The following TUSC3 variants were observed in gnomAD, a reference collection of about 807,000 sequenced individuals.
The protein encoded by TUSC3 is tumor suppressor candidate 3.
In TUSC3, 45 loss-of-function variants were observed where a neutral mutation model predicts 44.8. The observed-to-expected ratio is 1.00, with a 90% CI of 0.79 to 1.29. The LOEUF is 1.29. Ranked by LOEUF, TUSC3 falls within the 50% of genes most tolerant of loss-of-function variation. The probability of loss-of-function intolerance (pLI) is 0.00; values close to 1 mark genes in which losing one functional copy is unlikely to be tolerated. For synonymous variants in TUSC3, 212 were observed against 152.9 expected, an observed-to-expected ratio of 1.39 and a Z score of -2.85; for missense variants, 519 against 437.9, an observed-to-expected ratio of 1.19 and a Z score of -1.65.
intron 2 of TUSC3, among the ~76,000 whole-genome samples, chr8:15,498,299 GCT>G (rs1800911027): frequency 6.6e-6 from 1 of 152,196 alleles, no homozygotes; most frequent in Non-Finnish European, 1.5e-5. Context: ...GTTTCTGGAA[GCT>G]CTCATTTGAT....
intron 2 of TUSC3, among the ~76,000 whole-genome samples, chr8:15,529,399 T>G (rs1801422076): frequency 6.6e-6 from 1 of 152,192 alleles, no homozygotes; most frequent in Non-Finnish European, 1.5e-5. Context: ...GGCATTAAGT[T>G]GAGGTTTATC....
At position 15,571,195 on chromosome 8, in the gene TUSC3, C is replaced by T. The variant is rs942827673; in HGVS notation, c.138+30627C>T. On this transcript the variant is annotated intron_variant, in intron 1 of 10. Transcript: ENST00000503731. Reference sequence around the variant, plus strand: ...TCTCGAACTCCTGACTTCAGGGGATCCACCTGCCTCGGCCTCCCAAAGTGT... The same window carrying T: ...TCTCGAACTCCTGACTTCAGGGGATTCACCTGCCTCGGCCTCCCAAAGTGT... Among the ~76,000 whole-genome samples, 4 of 151,930 alleles carry T rather than the reference C, an allele frequency of 2.6e-5. 1 individual carries two copies.
intron 6 of TUSC3, among the ~76,000 whole-genome samples, chr8:15,724,174 C>G (rs1563191290): frequency 6.6e-6 from 1 of 152,126 alleles, no homozygotes; most frequent in Admixed American, 6.6e-5. Context: ...AGCTGGCTGT[C>G]TTCTGCCCAA....
chr8:15,513,445 T>C (rs1402162239), intron 2 of TUSC3, among the ~76,000 whole-genome samples: 3 of 152,194 alleles, frequency 2.0e-5, no homozygotes, highest in Admixed American at 2.0e-4. Context: ...TTTAAAAACA[T>C]GAAGGCAAAA....
At chr8:15,634,540 T>G (rs943581628) in intron 2 of TUSC3, among the ~76,000 whole-genome samples, 44 of 152,248 alleles carry the variant, frequency 2.9e-4, no homozygotes, top group African/African-American at 1.0e-3. Flanking sequence ...AATTCCGTCT[T>G]AAGATTAAGA....
chr8:15,642,001 T>C (rs947078062), intron 2 of TUSC3, among the ~76,000 whole-genome samples: 1 of 152,236 alleles, frequency 6.6e-6, no homozygotes, highest in African/African-American at 2.4e-5. Context: ...GTACCCATTA[T>C]ATACATTAAT....
intron 2 of TUSC3, among the ~76,000 whole-genome samples, chr8:15,516,218 C>G (rs908214222): frequency 3.9e-5 from 6 of 152,164 alleles, no homozygotes; most frequent in Non-Finnish European, 8.8e-5. Flanking sequence ...ATCTTATATT[C>G]TGTCCTTGAT....
chr8:15,674,239 G>A (rs1177730021), intron 6 of TUSC3, among the ~76,000 whole-genome samples: 2 of 151,944 alleles, frequency 1.3e-5, no homozygotes, highest in Admixed American at 1.3e-4. Context: ...AAGAACCCGG[G>A]TGGTCATTGT....
At chr8:15,746,245 C>T (rs1452629454) in intron 8 of TUSC3, among the ~76,000 whole-genome samples, 1 of 151,988 alleles carries the variant, frequency 6.6e-6, no homozygotes, top group Non-Finnish European at 1.5e-5. Context: ...TTTATTAAAT[C>T]ACCGTTTTCA....
intron 2 of TUSC3, among the ~76,000 whole-genome samples, chr8:15,511,607 C>T (rs1013648118): frequency 5.3e-5 from 8 of 152,202 alleles, no homozygotes; most frequent in Non-Finnish European, 8.8e-5. Context: ...CAGTAGCTCA[C>T]GCCTGTAATT....
chr8:15,655,524 G>C (rs1807119155), intron 3 of TUSC3, among the ~76,000 whole-genome samples: 1 of 152,224 alleles, frequency 6.6e-6, no homozygotes, highest in Non-Finnish European at 1.5e-5. Flanking sequence ...CCAAGTCAAA[G>C]TCCGAACAGT....
At position 15,648,157 on chromosome 8, in the gene TUSC3, C is replaced by T. The variant is rs146268818; in HGVS notation, c.309-2540C>T. Among the ~76,000 whole-genome samples the T allele has an allele frequency of 4.9e-3, 744 of 152,312 alleles. 6 individuals are homozygous for T. The highest frequency in any genetic ancestry group is 0.017 in the African/African-American group (707 of 41,578). On this transcript the variant is annotated intron_variant, in intron 2 of 10. Transcript: ENST00000503731. ...TCTAGGTCCTTCTCATTCTGTCATACATTCCACCTATGTTGTTTTTGTTCT... is the reference window on the plus strand; with the variant it reads ...TCTAGGTCCTTCTCATTCTGTCATATATTCCACCTATGTTGTTTTTGTTCT...
chr8:15,800,951 A>G, the TUSC3 span, among the ~76,000 whole-genome samples: 1 of 152,182 alleles, frequency 6.6e-6, no homozygotes, highest in Admixed American at 6.5e-5. Context: ...ACAAATATTT[A>G]TTGAGCTCTT....
At chr8:15,794,380 T>C in the TUSC3 span, among the ~76,000 whole-genome samples, 1 of 152,270 alleles carries the variant, frequency 6.6e-6, no homozygotes, top group East Asian at 1.9e-4. Context: ...TCAGAGTGCA[T>C]TTTTACATAC....
intron 10 of TUSC3, among the ~76,000 whole-genome samples, chr8:15,759,297 A>C (rs352801): frequency 6.6e-6 from 1 of 151,818 alleles, no homozygotes; most frequent in South Asian, 2.1e-4. Flanking sequence ...TTATGTAACC[A>C]CTGGGTCTTC....
At chr8:15,535,053 A>G (rs553387455) in intron 2 of TUSC3, among the ~76,000 whole-genome samples, 3 of 152,348 alleles carry the variant, frequency 2.0e-5, no homozygotes, top group South Asian at 4.1e-4. Flanking sequence ...TTCTCAGGCC[A>G]TATTATTTTG....
chr8:15,598,919 G>A (rs984881817), intron 1 of TUSC3, among the ~76,000 whole-genome samples: 5 of 151,730 alleles, frequency 3.3e-5, no homozygotes, highest in Non-Finnish European at 7.4e-5. Flanking sequence ...ACAGGTTTTT[G>A]TGTGGACCTA....
At chr8:15,816,327 G>T in the TUSC3 span, among the ~76,000 whole-genome samples, 2 of 152,124 alleles carry the variant, frequency 1.3e-5, no homozygotes, top group African/African-American at 4.8e-5. Context: ...TAATCTGTGA[G>T]TATTAAAATA....
intron 2 of TUSC3, among the ~76,000 whole-genome samples, chr8:15,509,612 A>T (rs1801105991): frequency 6.6e-6 from 1 of 152,186 alleles, no homozygotes; most frequent in Non-Finnish European, 1.5e-5. Flanking sequence ...CATCTCAAAA[A>T]AAAAAATCAT....
Sources: allele counts gnomAD v4.1 joint callset (sites outside exome capture counted in the v4.1 genomes callset), GRCh38; gene constraint gnomAD v4.1.1; transcripts MANE v1.5; gene names NCBI Gene and HGNC (gene_info 2026-07-23, HGNC 2026-07-21).